The following SOX5 variants were observed in gnomAD, a reference collection of about 807,000 sequenced individuals.
SOX5 encodes SRY-box transcription factor 5, also known as transcription factor SOX-5.
A neutral mutation model predicts 92.0 loss-of-function variants in SOX5; 9 were observed. That is an observed-to-expected ratio of 0.10 (90% confidence interval 0.06 to 0.17). SOX5 has a LOEUF of 0.17. Among genes scored for constraint, SOX5 ranks in the 10% least tolerant of loss-of-function variants. SOX5 has a pLI of 1.00. For missense variants in SOX5, 642 were observed against 944.5 expected (o/e 0.68, Z 4.20); for synonymous variants, 344 against 336.3 (o/e 1.02, Z -0.25).
chr12:24,277,511 A>T (rs12369205), intron 2 of SOX5, among the ~76,000 whole-genome samples: 2 of 120,488 alleles, frequency 1.7e-5, no homozygotes, highest in Non-Finnish European at 3.9e-5. Context: ...TAAATATATA[A>T]ATATATATTT....
rs142768593 is a variant in SOX5, at chr12:23,534,285, T to C, written c.2226A>G (p.Glu742=). Residue 742 remains glutamate (E), a synonymous_variant, in exon 15 of 15, where the codon GAA becomes GAG. Coordinates refer to ENST00000451604, the MANE Select transcript of SOX5 (RefSeq NM_006940.6). The part of the protein sequence containing the change: ...NGEIYDEYDE[E]EDDPDVDYGS... The stretch of plus-strand genomic sequence containing the variant: ...CATAATCTACATCTGGATCATCCTC[T>C]TCCTCGTCGTACTCATCATAAATTT... The C allele has an allele frequency of 5.8e-5, 93 of 1,614,156 alleles. No homozygotes were observed. In the East Asian group the frequency reaches 2.0e-3, roughly 35 times the overall value.
intron 1 of SOX5, among the ~76,000 whole-genome samples, chr12:24,451,104 T>C (rs760229236): frequency 1.3e-5 from 2 of 152,226 alleles, no homozygotes; most frequent in Non-Finnish European, 2.9e-5. Context: ...GTTCCATCTA[T>C]GTTGCTGCAA....
chr12:23,893,433 G>C (rs2097148375), intron 2 of SOX5, among the ~76,000 whole-genome samples: 2 of 151,198 alleles, frequency 1.3e-5, no homozygotes. Context: ...TGACAGGGCG[G>C]GACTCCATCT....
intron 1 of SOX5, among the ~76,000 whole-genome samples, chr12:24,395,902 ATC>A (rs1959817863): frequency 6.6e-6 from 1 of 152,130 alleles, no homozygotes; most frequent in Non-Finnish European, 1.5e-5. Flanking sequence ...CTCCCCTGAC[ATC>A]TCTGTCTGGC....
chr12:24,460,947 C>T (rs371849805), intron 1 of SOX5, among the ~76,000 whole-genome samples: 1 of 152,272 alleles, frequency 6.6e-6, no homozygotes, highest in East Asian at 1.9e-4. Context: ...AATTGGTTTG[C>T]TCTTGCAGAC....
intron 7 of SOX5, among the ~76,000 whole-genome samples, chr12:23,652,383 GT>G (rs1366402765): frequency 1.3e-5 from 2 of 151,836 alleles, no homozygotes; most frequent in Admixed American, 1.3e-4. Flanking sequence ...ATTCCTTGGC[GT>G]CTAATCCTTG....
intron 4 of SOX5, among the ~76,000 whole-genome samples, chr12:23,965,762 G>A (rs1947482697): frequency 6.6e-6 from 1 of 152,026 alleles, no homozygotes; most frequent in Non-Finnish European, 1.5e-5. Context: ...GGGACTACAG[G>A]CGTGCACCAC....
chr12:23,996,167 A>G (rs1951011977), intron 4 of SOX5, among the ~76,000 whole-genome samples: 5 of 152,192 alleles, frequency 3.3e-5, no homozygotes, highest in Admixed American at 3.3e-4. Context: ...TACTAAACTT[A>G]AATTCCAGAG....
intron 3 of SOX5, among the ~76,000 whole-genome samples, chr12:24,273,250 C>G (rs1022451174): frequency 6.6e-6 from 1 of 152,050 alleles, no homozygotes; most frequent in Admixed American, 6.6e-5. Context: ...CCCAGTGAGA[C>G]GCGGTCTCAA....
At chr12:24,511,242 T>A (rs184591567) in intron 1 of SOX5, among the ~76,000 whole-genome samples, 56 of 152,356 alleles carry the variant, frequency 3.7e-4, no homozygotes, top group African/African-American at 1.3e-3. Flanking sequence ...TATTCTAATT[T>A]ATTTTAAATT....
At chr12:24,479,261 T>C (rs1455741767) in intron 1 of SOX5, among the ~76,000 whole-genome samples, 1 of 152,204 alleles carries the variant, frequency 6.6e-6, no homozygotes, top group Non-Finnish European at 1.5e-5. Context: ...TGCTGTCCCA[T>C]TAGAAGTATG....
intron 8 of SOX5, among the ~76,000 whole-genome samples, chr12:23,625,364 C>T (rs975347344): frequency 2.0e-5 from 3 of 152,134 alleles, no homozygotes; most frequent in African/African-American, 7.2e-5. Flanking sequence ...TAAATGGAAT[C>T]CTCTCTCTTT....
chr12:23,783,935 A>G (rs2095330697), intron 3 of SOX5, among the ~76,000 whole-genome samples: 1 of 152,188 alleles, frequency 6.6e-6, no homozygotes, highest in Non-Finnish European at 1.5e-5. Context: ...CATGGAGTTT[A>G]TCACCTGGAG....
At chr12:23,601,903 T>A (rs369237477) in intron 9 of SOX5, among the ~76,000 whole-genome samples, 1 of 152,132 alleles carries the variant, frequency 6.6e-6, no homozygotes, top group African/African-American at 2.4e-5. Flanking sequence ...TTGTGGACAG[T>A]ATGCTAGAGG....
intron 4 of SOX5, among the ~76,000 whole-genome samples, chr12:23,971,121 C>CTTTTTTT (rs71059953): frequency 0.25 from 21,049 of 84,398 alleles, 5,210 homozygotes; most frequent in African/African-American, 0.34. Flanking sequence ...TGTCAGCTGA[C>CTTTTTTT]TTTTTTTTTT....
chr12:23,602,016 T>A (rs962828051), intron 9 of SOX5, among the ~76,000 whole-genome samples: 20 of 152,166 alleles, frequency 1.3e-4, no homozygotes, highest in African/African-American at 4.8e-4. Flanking sequence ...TAATTGTGGA[T>A]GGAAAGAAGT....
chr12:24,265,112 C>T (rs1942815559), intron 3 of SOX5, among the ~76,000 whole-genome samples: 1 of 152,072 alleles, frequency 6.6e-6, no homozygotes, highest in Non-Finnish European at 1.5e-5. Flanking sequence ...TATTATTCTG[C>T]CATGTAGACT....
intron 4 of SOX5, among the ~76,000 whole-genome samples, chr12:24,017,986 A>G (rs563880226): frequency 3.3e-5 from 5 of 152,298 alleles, no homozygotes; most frequent in African/African-American, 1.2e-4. Context: ...CCGTTAACTC[A>G]GGATCTTGCT....
intron 6 of SOX5, among the ~76,000 whole-genome samples, chr12:23,724,364 T>C (rs938199622): frequency 1.3e-5 from 2 of 152,150 alleles, no homozygotes; most frequent in African/African-American, 4.8e-5. Context: ...ATTCTTGTGC[T>C]AATAATGTAA....
Sources: allele counts gnomAD v4.1 joint callset (sites outside exome capture counted in the v4.1 genomes callset), GRCh38; gene constraint gnomAD v4.1.1; transcripts MANE v1.5; gene names NCBI Gene and HGNC (gene_info 2026-07-23, HGNC 2026-07-21).